Variants in BRINP2 observed in about 807,000 individuals in gnomAD.
BRINP2 encodes BMP/retinoic acid-inducible neural-specific protein 2.
In BRINP2, 21 loss-of-function variants were observed where a neutral mutation model predicts 69.2. The ratio of observed to expected loss-of-function variants is 0.30; its 90% confidence interval spans 0.22 to 0.44. BRINP2 has a LOEUF of 0.44. Among genes scored for constraint, BRINP2 ranks in the 20% least tolerant of loss-of-function variants. The pLI, the probability that BRINP2 is intolerant of heterozygous loss-of-function variation, is 1.00. For synonymous variants in BRINP2, 380 were observed against 394.1 expected, an observed-to-expected ratio of 0.96 and a Z score of 0.42; for missense variants, 877 against 986.0, an observed-to-expected ratio of 0.89 and a Z score of 1.48.
intron 2 of BRINP2, among the ~76,000 whole-genome samples, chr1:177,245,992 C>T (rs1031094487): frequency 2.6e-5 from 4 of 152,178 alleles, no homozygotes; most frequent in South Asian, 2.1e-4. Flanking sequence ...TCATTGTTTA[C>T]GGGCCGTTGT....
chr1:177,261,752 C>T (rs762433571), intron 4 of BRINP2, among the ~76,000 whole-genome samples: 2 of 152,084 alleles, frequency 1.3e-5, no homozygotes, highest in Admixed American at 1.3e-4. Context: ...GTGAGTGCAA[C>T]TAGGAAAGTG....
chr1:177,238,244 C>T (rs1650089052), intron 2 of BRINP2, among the ~76,000 whole-genome samples: 1 of 152,196 alleles, frequency 6.6e-6, no homozygotes, highest in African/African-American at 2.4e-5. Flanking sequence ...AGCTTGGCTC[C>T]CATGCCAGTT....
At chr1:177,243,979 TG>T (rs1221246485) in intron 2 of BRINP2, among the ~76,000 whole-genome samples, 2 of 36,446 alleles carry the variant, frequency 5.5e-5, no homozygotes, top group Non-Finnish European at 1.1e-4. Context: ...GCTGTGGGGG[TG>T]GGGGTGGGAA....
chr1:177,247,534 C>G (rs1650423671), intron 2 of BRINP2, among the ~76,000 whole-genome samples: 1 of 152,234 alleles, frequency 6.6e-6, no homozygotes, highest in Admixed American at 6.5e-5. Context: ...CTCTGTTTAT[C>G]TTCATTTTTC....
intron 2 of BRINP2, among the ~76,000 whole-genome samples, chr1:177,248,655 T>G (rs1157801669): frequency 6.6e-6 from 1 of 152,122 alleles, no homozygotes; most frequent in African/African-American, 2.4e-5. Context: ...AAACAGCACC[T>G]GGGCTGGAAG....
At chr1:177,270,180 C>T (rs1007092798) in intron 4 of BRINP2, among the ~76,000 whole-genome samples, 1 of 152,074 alleles carries the variant, frequency 6.6e-6, no homozygotes, top group Non-Finnish European at 1.5e-5. Context: ...CTTTTCACCT[C>T]CTTTACTTCT....
intron 1 of BRINP2, among the ~76,000 whole-genome samples, chr1:177,206,454 T>G (rs1382519772): frequency 6.6e-6 from 1 of 152,242 alleles, no homozygotes; most frequent in Non-Finnish European, 1.5e-5. Context: ...ACTAACATCC[T>G]TGTAGCTGAA....
chr1:177,244,320 TCTTA>T (rs202016885), intron 2 of BRINP2, among the ~76,000 whole-genome samples: 1 of 152,344 alleles, frequency 6.6e-6, no homozygotes, highest in East Asian at 1.9e-4. Context: ...TGCCTTCACG[TCTTA>T]CTTATCTTTG....
chr1:177,204,843 A>G (rs1558158610), intron 1 of BRINP2, among the ~76,000 whole-genome samples: 1 of 152,214 alleles, frequency 6.6e-6, no homozygotes, highest in African/African-American at 2.4e-5. Flanking sequence ...CTAAGCAGAT[A>G]TACATTATGT....
intron 2 of BRINP2, among the ~76,000 whole-genome samples, chr1:177,251,311 G>A (rs1453477184): frequency 1.3e-5 from 2 of 152,168 alleles, no homozygotes; most frequent in Non-Finnish European, 2.9e-5. Flanking sequence ...ATTAATCCAT[G>A]TTTTGTGTAG....
chr1:177,202,165 T>C (rs920698282), intron 1 of BRINP2, among the ~76,000 whole-genome samples: 2 of 152,210 alleles, frequency 1.3e-5, no homozygotes, highest in African/African-American at 4.8e-5. Flanking sequence ...CCTGGATTCA[T>C]TGATTTTTTG....
chr1:177,233,398 G>A (rs1280927782), intron 2 of BRINP2, among the ~76,000 whole-genome samples: 1 of 152,156 alleles, frequency 6.6e-6, no homozygotes, highest in African/African-American at 2.4e-5. Flanking sequence ...ATGGATTAAG[G>A]TGAAAATTAA....
At chr1:177,253,315 A>G (rs748215777) in intron 2 of BRINP2, among the ~76,000 whole-genome samples, 11 of 151,986 alleles carry the variant, frequency 7.2e-5, no homozygotes, top group Non-Finnish European at 1.6e-4. Context: ...TGAGCATTTT[A>G]TCATATACCT....
intron 1 of BRINP2, among the ~76,000 whole-genome samples, chr1:177,204,973 T>C (rs1649030478): frequency 6.6e-6 from 1 of 152,238 alleles, no homozygotes; most frequent in Non-Finnish European, 1.5e-5. Flanking sequence ...GATTGTATTA[T>C]ACTGTATCAT....
At chr1:177,223,846 C>A (rs1421794474) in intron 1 of BRINP2, among the ~76,000 whole-genome samples, 1 of 152,084 alleles carries the variant, frequency 6.6e-6, no homozygotes, top group Non-Finnish European at 1.5e-5. Flanking sequence ...GAGGGTGACA[C>A]TGAAGGTCGA....
Position 177,280,907 on chromosome 1 carries a change from C to G in BRINP2, c.1731C>G (p.Thr577=). 6.2e-7 allele frequency: 1 copy of G among 1,614,182 alleles called. No homozygotes were observed. Residue 577 remains threonine, a synonymous_variant, in exon 8 of 8, where the codon ACC becomes ACG. Coordinates refer to ENST00000361539, the MANE Select transcript of BRINP2 (RefSeq NM_021165.4). ...MLALSLQICL[T]KNSTLEPVMA... is the part of the protein sequence containing the mutation. The stretch of plus-strand genomic sequence containing the variant: ...CCTTGTCCTTGCAGATCTGTCTCAC[C>G]AAGAACAGCACCCTGGAGCCTGTCA...
intron 1 of BRINP2, among the ~76,000 whole-genome samples, chr1:177,228,910 C>T (rs947794785): frequency 6.6e-6 from 1 of 152,144 alleles, no homozygotes; most frequent in African/African-American, 2.4e-5. Flanking sequence ...TGGCATCTTC[C>T]GTCTAACTCA....
At chr1:177,253,416 G>A (rs1650645461) in intron 2 of BRINP2, among the ~76,000 whole-genome samples, 1 of 151,966 alleles carries the variant, frequency 6.6e-6, no homozygotes, top group Admixed American at 6.6e-5. Flanking sequence ...AGTTATTTGA[G>A]TTCTTTACAT....
intron 1 of BRINP2, among the ~76,000 whole-genome samples, chr1:177,226,856 C>T (rs1649706428): frequency 6.6e-6 from 1 of 151,670 alleles, no homozygotes; most frequent in Non-Finnish European, 1.5e-5. Flanking sequence ...TAATTCATAG[C>T]CATGTGGCCC....
Sources: allele counts gnomAD v4.1 joint callset (sites outside exome capture counted in the v4.1 genomes callset), GRCh38; gene constraint gnomAD v4.1.1; transcripts MANE v1.5; gene names NCBI Gene and HGNC (gene_info 2026-07-23, HGNC 2026-07-21).